NCOA3: variants seen among roughly 807,000 people sequenced by gnomAD.
NCOA3 encodes the protein CBP-interacting protein.
NCOA3 carries 51 observed loss-of-function variants against 158.8 expected under a neutral mutation model. That is an observed-to-expected ratio of 0.32 (90% CI 0.26 to 0.41). The LOEUF (loss-of-function observed/expected upper bound fraction) is 0.41, where lower values mean the gene tolerates loss of function less well. Among genes scored for constraint, NCOA3 ranks in the 10% least tolerant of loss-of-function variants. The pLI is 1.00. For missense variants in NCOA3, 1,510 were observed against 1,746.6 expected (o/e 0.86, Z 2.41); for synonymous variants, 537 against 592.4 (o/e 0.91, Z 1.36).
chr20:47,627,524 A>T, intron 6 of NCOA3, 37 bp from the exon 7 acceptor site: 1 of 1,527,116 alleles, frequency 6.5e-7, no homozygotes, highest in Non-Finnish European at 8.9e-7. Context: ...ATGAGTTACC[A>T]GCTTTTTAAA....
intron 1 of NCOA3, among the ~76,000 whole-genome samples, chr20:47,503,502 A>ATAT (rs1556553065): frequency 1.4e-4 from 22 of 152,338 alleles, no homozygotes; most frequent in Non-Finnish European, 4.4e-5. Flanking sequence ...GGTTTTTAGA[A>ATAT]TATCCTTGGT....
intron 1 of NCOA3, among the ~76,000 whole-genome samples, chr20:47,531,423 A>T (rs189390398): frequency 9.3e-4 from 142 of 152,328 alleles, no homozygotes; most frequent in African/African-American, 3.2e-3. Context: ...ACTTTTGCAG[A>T]GAGGAATTTA....
At chr20:47,640,718 A>C (rs1360176907) in intron 16 of NCOA3, among the ~76,000 whole-genome samples, 1 of 122,138 alleles carries the variant, frequency 8.2e-6, no homozygotes, top group Non-Finnish European at 1.8e-5. Context: ...TGTCTCTACT[A>C]AAAAAAAAAA....
At chr20:47,514,140 C>T (rs1052167805) in intron 1 of NCOA3, among the ~76,000 whole-genome samples, 1 of 151,280 alleles carries the variant, frequency 6.6e-6, no homozygotes, top group Non-Finnish European at 1.5e-5. Flanking sequence ...TTGCAACTCT[C>T]TTTAAGTCAA....
At chr20:47,584,659 ATAT>A (rs1004415294) in intron 2 of NCOA3, among the ~76,000 whole-genome samples, 1 of 151,844 alleles carries the variant, frequency 6.6e-6, no homozygotes, top group Non-Finnish European at 1.5e-5. Flanking sequence ...GAAAATATAC[ATAT>A]TATTCATTAA....
At chr20:47,569,368 A>G (rs951851962) in intron 1 of NCOA3, among the ~76,000 whole-genome samples, 70 of 152,080 alleles carry the variant, frequency 4.6e-4, no homozygotes, top group African/African-American at 1.3e-3. Flanking sequence ...CCGTCCCCCA[A>G]TAAAAAATAA....
At chr20:47,524,035 T>C (rs1302686086) in intron 1 of NCOA3, among the ~76,000 whole-genome samples, 1 of 152,228 alleles carries the variant, frequency 6.6e-6, no homozygotes, top group Admixed American at 6.5e-5. Context: ...CCAGAATAGA[T>C]GGCTTAAAGG....
At chr20:47,643,397 G>A (rs2086641433) in intron 17 of NCOA3, among the ~76,000 whole-genome samples, 1 of 152,216 alleles carries the variant, frequency 6.6e-6, no homozygotes, top group African/African-American at 2.4e-5. Flanking sequence ...AGCAGTCCTT[G>A]TGTACACCTT....
intron 19 of NCOA3, among the ~76,000 whole-genome samples, chr20:47,649,401 T>C (rs149250771): frequency 6.6e-6 from 1 of 152,194 alleles, no homozygotes; most frequent in Non-Finnish European, 1.5e-5. Context: ...CACTTGGCTG[T>C]TTAGGAATTT....
intron 1 of NCOA3, among the ~76,000 whole-genome samples, chr20:47,509,877 G>C (rs186337306): frequency 5.9e-5 from 9 of 152,218 alleles, no homozygotes; most frequent in African/African-American, 2.2e-4. Context: ...TACTTGCTTG[G>C]TGGTAATTGT....
intron 1 of NCOA3, among the ~76,000 whole-genome samples, chr20:47,525,454 C>T (rs1236772594): frequency 6.6e-6 from 1 of 151,014 alleles, no homozygotes; most frequent in Non-Finnish European, 1.5e-5. Context: ...TTGGGTACAC[C>T]TCCCAGACGG....
chr20:47,639,794 G>T lies in NCOA3; in HGVS notation c.2925G>T (p.Leu975Phe), dbSNP rs1602528531. ...SNSIPGARPV[L>F]QQQQQMLQMR... is the part of the protein sequence containing the mutation. ...GCATACCAGGTGCGAGACCAGTATT[G>T]CAACAGCAGCAGCAGATGCTTCAAA... The change falls in exon 15 of 23, where the codon TTG (leucine) becomes TTT (phenylalanine). Residue 975 changes from leucine (L) to phenylalanine (F), a missense_variant. Leu to Phe is a conservative substitution (Grantham distance 22, BLOSUM62 0). Coordinates refer to ENST00000371998, the MANE Select transcript of NCOA3 (RefSeq NM_181659.3). 3.1e-6 allele frequency: 5 copies of T among 1,614,078 alleles called. No homozygotes were observed. Among genetic ancestry groups the T allele is most frequent in the African/African-American group, 1.3e-5 (1 of 74,912 alleles).
chr20:47,642,696 G>T (rs1042326443), intron 17 of NCOA3, among the ~76,000 whole-genome samples: 1 of 152,096 alleles, frequency 6.6e-6, no homozygotes, highest in Non-Finnish European at 1.5e-5. Flanking sequence ...CATGTTAACA[G>T]TTCTCATTTT....
chr20:47,615,893 C>T (rs1199132797), intron 2 of NCOA3, among the ~76,000 whole-genome samples: 2 of 152,120 alleles, frequency 1.3e-5, no homozygotes, highest in African/African-American at 2.4e-5. Context: ...CGTGGTGGCT[C>T]ACGCCTGTAA....
Position 47,656,633 on chromosome 20 carries a change from A to T in NCOA3, c.*3216A>T, listed in dbSNP as rs1278970042. The T allele has an allele frequency of 6.6e-6, 1 of 152,638 alleles. No individual in the cohort carries two copies. The allele number at this position is 152,638 out of a possible 1,614,324, so 9.5% of individuals were successfully genotyped here. On this transcript the variant is annotated 3_prime_UTR_variant, in exon 23 of 23. Transcript: ENST00000371998. The stretch of plus-strand genomic sequence containing the variant: ...GGTGTTTTCTCTCTTCCTTTCTAAT[A>T]TATGGAGTTTCGAAGAATAAAATAT...
intron 13 of NCOA3, among the ~76,000 whole-genome samples, chr20:47,638,642 A>G (rs559972138): frequency 4.6e-5 from 7 of 152,334 alleles, no homozygotes; most frequent in African/African-American, 1.7e-4. Flanking sequence ...TATAAACAGT[A>G]TACTTAAGTA....
chr20:47,538,182 A>G (rs1045578575), intron 1 of NCOA3, among the ~76,000 whole-genome samples: 1 of 152,156 alleles, frequency 6.6e-6, no homozygotes, highest in Admixed American at 6.6e-5. Context: ...GCCTGGACTA[A>G]TAGGTTTTTA....
At chr20:47,523,089 G>A (rs1454271401) in intron 1 of NCOA3, among the ~76,000 whole-genome samples, 4 of 152,178 alleles carry the variant, frequency 2.6e-5, no homozygotes. Flanking sequence ...CGGAGGCTGA[G>A]GCAGGAGAAT....
intron 4 of NCOA3, 62 bp from the exon 5 acceptor site, chr20:47,625,319 G>A (rs1175411635): frequency 4.4e-6 from 5 of 1,128,356 alleles, no homozygotes; most frequent in South Asian, 3.7e-5. Flanking sequence ...GGGACTATTC[G>A]AAGGTGATTT....
Sources: allele counts gnomAD v4.1 joint callset (sites outside exome capture counted in the v4.1 genomes callset), GRCh38; gene constraint gnomAD v4.1.1; transcripts MANE v1.5; gene names NCBI Gene and HGNC (gene_info 2026-07-23, HGNC 2026-07-21).